The following NKAIN4 variants were observed in gnomAD, a reference collection of about 807,000 sequenced individuals.
The protein encoded by NKAIN4 is sodium/potassium transporting ATPase interacting 4.
A neutral mutation model predicts 28.8 loss-of-function variants in NKAIN4; 28 were observed. The ratio of observed to expected loss-of-function variants is 0.97; its 90% CI spans 0.72 to 1.33. NKAIN4 has a LOEUF of 1.33. Among genes scored for constraint, NKAIN4 ranks in the 40% most tolerant of loss-of-function variants. The pLI is 0.00. For missense variants in NKAIN4, 289 were observed against 277.2 expected (o/e 1.04, Z -0.30); for synonymous variants, 122 against 115.6 (o/e 1.06, Z -0.36).
In NKAIN4 at chr20:63,252,502, C is replaced by G. The variant is rs75261047; in HGVS notation, c.54+1895G>C. 4.9e-3 allele frequency among the ~76,000 whole-genome samples: 747 copies of G among 152,218 alleles called. 8 individuals carry two copies. Among genetic ancestry groups the G allele is most frequent in the African/African-American group, 0.017 (717 of 41,544 alleles). On this transcript the variant is annotated intron_variant, in intron 1 of 6. Transcript: ENST00000370316. The surrounding 1 kb of genome is among the most constrained non-coding windows in gnomAD (Gnocchi z 4.6). ...GCTATCCAACAACCCCGCCCTTCCT[C>G]CCGGGCCCCCTACCCCCATGCAGTG...
chr20:63,243,626 C>G (rs995255327), intron 5 of NKAIN4, among the ~76,000 whole-genome samples: 3 of 152,144 alleles, frequency 2.0e-5, no homozygotes, highest in African/African-American at 7.2e-5. Flanking sequence ...CCAGATGGGT[C>G]CAGGCTGCCA....
intron 1 of NKAIN4, chr20:63,254,040 G>A (rs2067008571): frequency 3.9e-6 from 1 of 258,150 alleles, no homozygotes; most frequent in Non-Finnish European, 7.5e-6. Context: ...CGCACCCGGG[G>A]GCGCACCCGG....
chr20:63,253,626 G>A (rs2066999676), intron 1 of NKAIN4, among the ~76,000 whole-genome samples: 1 of 152,192 alleles, frequency 6.6e-6, no homozygotes, highest in African/African-American at 2.4e-5. Flanking sequence ...GACAGGCGAG[G>A]CCTTTGTTTA....
Position 63,241,280 on chromosome 20 carries a change from A to G in NKAIN4, c.*217T>C. On this transcript the variant is annotated 3_prime_UTR_variant, in exon 7 of 7. Transcript: ENST00000370316. Reference sequence around the variant, plus strand: ...TTTTCTTTTCTTTTTTTTTTTTAAGAGAAAGGAAATTACAAACTCTCTTGA... The same window carrying G: ...TTTTCTTTTCTTTTTTTTTTTTAAGGGAAAGGAAATTACAAACTCTCTTGA... 4 of 509,904 alleles carry G rather than the reference A, an allele frequency of 7.8e-6. No homozygotes were observed. The highest frequency in any genetic ancestry group is 1.0e-5 in the Non-Finnish European group (3 of 287,048). 31.6% of individuals were successfully genotyped at this position (509,904 alleles called of 1,614,324 possible).
intron 1 of NKAIN4, 191 bp downstream of exon 1, chr20:63,254,206 C>T (rs958576948): frequency 1.9e-5 from 9 of 472,050 alleles, no homozygotes; most frequent in Non-Finnish European, 2.8e-5. Flanking sequence ...GACCCGGCGC[C>T]GCGACTCCCC....
chr20:63,248,715 G>A, intron 3 of NKAIN4, 100 bp downstream of exon 3: 1 of 768,120 alleles, frequency 1.3e-6, no homozygotes, highest in Non-Finnish European at 2.3e-6. Flanking sequence ...CTGAGCCCCT[G>A]CCTCAGACGA....
At chr20:63,254,546 C>T, upstream of NKAIN4, 1 of 882,860 alleles carries the variant, frequency 1.1e-6, no homozygotes. Flanking sequence ...GACCCCGCCC[C>T]CTCCGCATCC....
At chr20:63,250,912 C>T (rs1347558312) in intron 1 of NKAIN4, among the ~76,000 whole-genome samples, 14 of 87,836 alleles carry the variant, frequency 1.6e-4, no homozygotes, top group South Asian at 4.3e-4. Context: ...GCCGCCCTAT[C>T]CCCCACCCCA....
At chr20:63,247,927 TC>T in intron 3 of NKAIN4, 152 bp from the exon 4 acceptor site, 1 of 1,189,444 alleles carries the variant, frequency 8.4e-7, no homozygotes, top group South Asian at 2.7e-5. Context: ...CCCCCAGGGC[TC>T]CAGCCATGGT....
At chr20:63,254,623 C>T (rs1312453567), upstream of NKAIN4, 2 of 446,214 alleles carry the variant, frequency 4.5e-6, no homozygotes, top group Non-Finnish European at 7.2e-6. Flanking sequence ...CGCTGCGTCT[C>T]CCCTCCCACC....
intron 4 of NKAIN4, chr20:63,246,552 C>A: frequency 1.0e-6 from 1 of 985,472 alleles, no homozygotes; most frequent in Non-Finnish European, 1.2e-6. Context: ...AGGCCACGGG[C>A]TCCTTAGATT....
In NKAIN4 at chr20:63,248,890, C is replaced by G; in HGVS notation, c.198G>C (p.Thr66=). The change falls in exon 3 of 7, where the codon ACG becomes ACC. Residue 66 remains threonine, a synonymous_variant. Transcript: ENST00000370316. ...QYRLRYVMVY[T]LWAAVWVTWN... ...AGGTGACCCAGACGGCTGCCCACAG[C>G]GTGTACTAGGGAGAGGAGAGGATGG... is the stretch of plus-strand genomic sequence containing the variant. The G allele has an allele frequency of 6.2e-7, 1 of 1,611,486 alleles. No homozygotes were observed. Among genetic ancestry groups the G allele is most frequent in the Non-Finnish European group, 8.5e-7 (1 of 1,178,834 alleles).
intron 2 of NKAIN4, chr20:63,249,255 C>A (rs1268255411): frequency 7.3e-6 from 2 of 273,010 alleles, no homozygotes; most frequent in South Asian, 8.5e-5. Flanking sequence ...CTGCAGAGCA[C>A]CCCAGAAGCC....
At chr20:63,253,083 C>G in intron 1 of NKAIN4, 1 of 411,876 alleles carries the variant, frequency 2.4e-6, no homozygotes, top group East Asian at 1.6e-4. Flanking sequence ...ACCGTCCAGG[C>G]TGGTGCCTGT....
intron 2 of NKAIN4, 81 bp from the exon 3 acceptor site, chr20:63,248,976 G>A: frequency 1.0e-6 from 1 of 958,758 alleles, no homozygotes. Context: ...GGGGGAAGGG[G>A]TCCCATGATC....
rs1453939668 is a variant in NKAIN4 at position 63,241,469 on chromosome 20, A to C, written c.*28T>G. On this transcript the variant is annotated 3_prime_UTR_variant, in exon 7 of 7. Transcript: ENST00000370316. ...TGGTCGGTCGCTGAGGCTGGAGGCCACAGGAGCAGGATCAGCTGTTTCCTC... is the reference window on the plus strand; with the variant it reads ...TGGTCGGTCGCTGAGGCTGGAGGCCCCAGGAGCAGGATCAGCTGTTTCCTC... The C allele has an allele frequency of 1.3e-6, 2 of 1,550,218 alleles. No homozygotes were observed. The highest frequency in any genetic ancestry group is 2.0e-5 in the Admixed American group (1 of 50,982).
At chr20:63,251,902 G>A (rs1339563456) in intron 1 of NKAIN4, among the ~76,000 whole-genome samples, 1 of 152,140 alleles carries the variant, frequency 6.6e-6, no homozygotes, top group African/African-American at 2.4e-5. Flanking sequence ...CGTGCCCGGA[G>A]GACACTAACC....
intron 2 of NKAIN4, 86 bp downstream of exon 2, chr20:63,249,849 A>G: frequency 6.9e-7 from 1 of 1,441,550 alleles, no homozygotes. Flanking sequence ...GTGTCCAGGA[A>G]AATATGCCAG....
chr20:63,244,074 A>G lies in NKAIN4; in HGVS notation c.482T>C (p.Phe161Ser), dbSNP rs768363146. The G allele has an allele frequency of 1.2e-5, 20 of 1,613,650 alleles. No individual in the cohort carries two copies. The highest frequency in any genetic ancestry group is 1.7e-5 in the Non-Finnish European group (20 of 1,179,786). The stretch of plus-strand genomic sequence containing the variant: ...GCTGACCACCTGGCAGCCACAGACA[A>G]AGCCCAGAAGCTGAAAGACACCACA... Reference protein sequence around the residue: ...CLQILIALLGFVCGCQVVSVF... With the variant: ...CLQILIALLGSVCGCQVVSVF... Residue 161 changes from phenylalanine to serine, a missense_variant, in exon 5 of 7, where the codon TTT becomes TCT. Coordinates refer to ENST00000370316, the MANE Select transcript of NKAIN4 (RefSeq NM_152864.4).
Sources: gnomAD v4.1 joint callset for allele counts (sites outside exome capture counted in the v4.1 genomes callset) on GRCh38, gnomAD v4.1.1 for gene constraint, Gnocchi (gnomAD v3.1) non-coding constraint, MANE v1.5 for transcripts, NCBI Gene and HGNC (gene_info 2026-07-23, HGNC 2026-07-21) for gene names.